The following CNTLN variants were observed in gnomAD, a reference collection of about 807,000 sequenced individuals.
CNTLN encodes centlein, centrosomal protein.
A neutral mutation model predicts 180.0 loss-of-function variants in CNTLN; 212 were observed. That is an observed-to-expected ratio of 1.18 (90% CI 1.05 to 1.32). The LOEUF (loss-of-function observed/expected upper bound fraction) is 1.32. Ranked by LOEUF, CNTLN falls within the 40% of genes most tolerant of loss-of-function variation. The pLI is 0.00. For missense variants in CNTLN, 2,095 were observed against 1,610.9 expected (o/e 1.30, Z -5.14); for synonymous variants, 722 against 563.1 (o/e 1.28, Z -3.99).
chr9:17,347,596 G>T (rs756580512), intron 12 of CNTLN, among the ~76,000 whole-genome samples: 1 of 151,474 alleles, frequency 6.6e-6, no homozygotes, highest in Non-Finnish European at 1.5e-5. Flanking sequence ...TTGAACCCAG[G>T]AGGTGGAGGT....
At chr9:17,294,771 G>C (rs1459498056) in intron 6 of CNTLN, among the ~76,000 whole-genome samples, 9 of 58,716 alleles carry the variant, frequency 1.5e-4, no homozygotes, top group African/African-American at 2.1e-4. Flanking sequence ...GCCCACCGCG[G>C]GGGGAGTGAG....
At chr9:17,369,358 GT>G (rs1231573645) in intron 13 of CNTLN, among the ~76,000 whole-genome samples, 1 of 151,952 alleles carries the variant, frequency 6.6e-6, no homozygotes, top group Non-Finnish European at 1.5e-5. Context: ...GTCTTGAGCA[GT>G]TCCTTATAGA....
intron 13 of CNTLN, among the ~76,000 whole-genome samples, chr9:17,379,319 G>A (rs1468534891): frequency 6.6e-6 from 1 of 151,860 alleles, no homozygotes; most frequent in Non-Finnish European, 1.5e-5. Context: ...TTAGTACTTG[G>A]CTGAAGACTT....
chr9:17,474,228 A>T (rs1480059409), intron 23 of CNTLN, among the ~76,000 whole-genome samples: 1 of 152,110 alleles, frequency 6.6e-6, no homozygotes, highest in East Asian at 1.9e-4. Flanking sequence ...TTTCACTTGG[A>T]TGTCTAATAG....
intron 8 of CNTLN, among the ~76,000 whole-genome samples, chr9:17,330,297 G>A (rs557091623): frequency 3.3e-5 from 5 of 152,050 alleles, no homozygotes; most frequent in Admixed American, 1.3e-4. Context: ...TGTTTTGTGA[G>A]GCAATACATA....
chr9:17,512,450 A>T, the CNTLN span, among the ~76,000 whole-genome samples: 2 of 152,130 alleles, frequency 1.3e-5, no homozygotes, highest in African/African-American at 4.8e-5. Context: ...TTCTCACTTT[A>T]TAGTGGAAGC....
At position 17,208,437 on chromosome 9, in the gene CNTLN, TTGATG is replaced by T. The variant is rs201705404; in HGVS notation, c.450-17763_450-17759del. 7.1e-3 allele frequency among the ~76,000 whole-genome samples: 1,080 copies of T among 152,304 alleles called. 7 individuals are homozygous for T. Among genetic ancestry groups the T allele is most frequent in the Admixed American group, 8.5e-3 (130 of 15,290 alleles). On this transcript the variant is annotated intron_variant, in intron 2 of 25. Transcript: ENST00000380647. ...GGTATTGGCCAGTGGTTTCCTTTAT[TTGATG>T]TGTCTTTGTCTGGTTTTGGTATCAG...
At chr9:17,270,494 T>C (rs1278596519) in intron 5 of CNTLN, among the ~76,000 whole-genome samples, 1 of 152,200 alleles carries the variant, frequency 6.6e-6, no homozygotes, top group African/African-American at 2.4e-5. Flanking sequence ...CTTTCTTCAA[T>C]ACTAGTATAG....
chr9:17,143,027 G>C (rs1245183096), intron 1 of CNTLN, among the ~76,000 whole-genome samples: 1 of 152,170 alleles, frequency 6.6e-6, no homozygotes, highest in Non-Finnish European at 1.5e-5. Context: ...TTTCCTTTTA[G>C]AGCAAGTTTA....
intron 7 of CNTLN, chr9:17,298,582 C>T: frequency 1.8e-6 from 2 of 1,131,630 alleles, no homozygotes; most frequent in Non-Finnish European, 2.2e-6. Flanking sequence ...CAAACTTACT[C>T]TATAGGGTAT....
At chr9:17,291,543 C>G (rs573425736) in intron 6 of CNTLN, among the ~76,000 whole-genome samples, 34 of 152,114 alleles carry the variant, frequency 2.2e-4, no homozygotes, top group Non-Finnish European at 4.4e-4. Context: ...TGAATTGAAC[C>G]CTTTACCATT....
chr9:17,439,447 A>G (rs576305499), intron 18 of CNTLN, among the ~76,000 whole-genome samples: 2 of 152,322 alleles, frequency 1.3e-5, no homozygotes, highest in Admixed American at 1.3e-4. Context: ...GGCATTTCTA[A>G]AAACTAATGG....
chr9:17,421,378 G>A (rs923199973), intron 18 of CNTLN, among the ~76,000 whole-genome samples: 2 of 151,784 alleles, frequency 1.3e-5, no homozygotes, highest in Non-Finnish European at 2.9e-5. Context: ...TATGATATAA[G>A]TATAGCTAGT....
chr9:17,358,742 A>G (rs543785945), intron 12 of CNTLN, among the ~76,000 whole-genome samples: 2 of 152,216 alleles, frequency 1.3e-5, no homozygotes, highest in African/African-American at 4.8e-5. Flanking sequence ...AATCTTGTAT[A>G]TGAGCACATA....
Position 17,340,946 on chromosome 9 carries a change from C to T in CNTLN, c.1764C>T (p.Gly588=). The change falls in exon 11 of 26, where the codon GGC becomes GGT. Residue 588 remains glycine (G), a splice_region_variant and synonymous_variant. Coordinates refer to ENST00000380647, the MANE Select transcript of CNTLN (RefSeq NM_017738.4). ...TAAAACAGTGGGAAGAAGGCAGTGG[C>T]ATGTGAGTTACATAGCTCATAAAGG... The part of the protein sequence containing the change: ...EQLKQWEEGS[G]MTEIRKIKRA... The T allele has an allele frequency of 6.2e-7, 1 of 1,606,986 alleles. No homozygotes were observed. Among genetic ancestry groups the T allele is most frequent in the Admixed American group, 1.7e-5 (1 of 59,156 alleles).
chr9:17,525,083 TC>T, the CNTLN span, among the ~76,000 whole-genome samples: 1 of 152,246 alleles, frequency 6.6e-6, no homozygotes, highest in Non-Finnish European at 1.5e-5. Flanking sequence ...CTAATTTGTT[TC>T]ATTTCATAAA....
intron 2 of CNTLN, among the ~76,000 whole-genome samples, chr9:17,212,517 CT>C (rs1223801651): frequency 1.3e-5 from 2 of 151,932 alleles, no homozygotes; most frequent in Non-Finnish European, 2.9e-5. Context: ...TAAAATTCTC[CT>C]TTTTTGTTGT....
chr9:17,354,379 G>A (rs1464322112), intron 12 of CNTLN, among the ~76,000 whole-genome samples: 1 of 152,322 alleles, frequency 6.6e-6, no homozygotes, highest in East Asian at 1.9e-4. Context: ...GGGATCCACT[G>A]GGTGAAGCCA....
intron 2 of CNTLN, among the ~76,000 whole-genome samples, chr9:17,220,155 A>G (rs1446616808): frequency 2.6e-5 from 4 of 152,074 alleles, no homozygotes; most frequent in African/African-American, 7.2e-5. Context: ...CTGGGTGATG[A>G]TGATGCTCGT....
Sources: gnomAD v4.1 joint callset for allele counts (sites outside exome capture counted in the v4.1 genomes callset) on GRCh38, gnomAD v4.1.1 for gene constraint, MANE v1.5 for transcripts, NCBI Gene and HGNC (gene_info 2026-07-23, HGNC 2026-07-21) for gene names.